PSD4: variants seen among roughly 807,000 people sequenced by gnomAD.
PSD4 encodes pleckstrin and Sec7 domain containing 4.
PSD4 carries 59 observed loss-of-function variants against 112.5 expected under a neutral mutation model. The ratio of observed to expected loss-of-function variants is 0.52; its 90% CI spans 0.43 to 0.65. PSD4 has a LOEUF of 0.65. Ranked by LOEUF, PSD4 falls within the 30% of genes least tolerant of loss-of-function variation. PSD4 has a pLI of 0.00. For missense variants in PSD4, 1,267 were observed against 1,352.6 expected, an observed-to-expected ratio of 0.94 and a Z score of 0.99; for synonymous variants, 533 against 540.0, an observed-to-expected ratio of 0.99 and a Z score of 0.18.
intron 2 of PSD4, among the ~76,000 whole-genome samples, chr2:113,184,476 C>T (rs749456261): frequency 1.7e-4 from 26 of 150,786 alleles, no homozygotes; most frequent in South Asian, 4.2e-4. Flanking sequence ...CAGGTTCAAG[C>T]GATTCACCTG....
rs764514163 is a variant in PSD4 at position 113,182,705 on chromosome 2, G to T, written c.249G>T (p.Gly83=). The change falls in exon 2 of 17, where the codon GGG becomes GGT. Residue 83 remains glycine, a synonymous_variant. Coordinates refer to ENST00000245796, the MANE Select transcript of PSD4 (RefSeq NM_012455.3). ...THLGSWVHQD[G]LEPCQEQTRA... ...TGGGGAGCTGGGTCCATCAGGACGG[G>T]CTGGAGCCTTGCCAGGAGCAAACCC... is the stretch of plus-strand genomic sequence containing the variant. 1 of 1,606,820 alleles carries T rather than the reference G, an allele frequency of 6.2e-7. No homozygotes were observed. Among genetic ancestry groups the T allele is most frequent in the Non-Finnish European group, 8.5e-7 (1 of 1,175,404 alleles).
chr2:113,201,461 C>G lies in PSD4; in HGVS notation c.*46C>G. The G allele has an allele frequency of 6.2e-7, 1 of 1,600,850 alleles. No homozygotes were observed. The highest frequency in any genetic ancestry group is 8.5e-7 in the Non-Finnish European group (1 of 1,173,690). The stretch of plus-strand genomic sequence containing the variant: ...CACTGTTCCCTGCTCCAGGGTAGAC[C>G]TGAGATGAACCTCCCTGGAGGAGAC... On this transcript the variant is annotated 3_prime_UTR_variant, in exon 17 of 17. Coordinates refer to ENST00000245796, the MANE Select transcript of PSD4 (RefSeq NM_012455.3).
At chr2:113,179,264 C>A (rs1191815140) in intron 1 of PSD4, among the ~76,000 whole-genome samples, 1 of 152,176 alleles carries the variant, frequency 6.6e-6, no homozygotes, top group African/African-American at 2.4e-5. Flanking sequence ...TGACAATGGG[C>A]AGCTGCATGG....
At chr2:113,177,857 C>T (rs908229930) in intron 1 of PSD4, among the ~76,000 whole-genome samples, 2 of 152,110 alleles carry the variant, frequency 1.3e-5, no homozygotes, top group African/African-American at 4.8e-5. Context: ...AACTACACAC[C>T]GGGATAAACG....
At chr2:113,183,630 C>A (rs904581162) in intron 2 of PSD4, 118 bp downstream of exon 2, 19 of 990,094 alleles carry the variant, frequency 1.9e-5, no homozygotes, top group Non-Finnish European at 2.5e-5. Flanking sequence ...TTGGGGATAA[C>A]CTGCATCAGT....
Position 113,180,948 on chromosome 2 carries a change from C to G in PSD4, c.-111-1398C>G, listed in dbSNP as rs141090124. Reference sequence around the variant, plus strand: ...AAGAAAAGACAGCTGCTGGGTGCAGCGGCTCACACCTATAATCCCACCACT... The same window carrying G: ...AAGAAAAGACAGCTGCTGGGTGCAGGGGCTCACACCTATAATCCCACCACT... On this transcript the variant is annotated intron_variant, in intron 1 of 16. Coordinates refer to ENST00000245796, the MANE Select transcript of PSD4 (RefSeq NM_012455.3). 1.9e-3 allele frequency among the ~76,000 whole-genome samples: 288 copies of G among 151,824 alleles called. 3 individuals carry two copies. The highest frequency in any genetic ancestry group is 7.5e-3 in the Admixed American group (114 of 15,242).
intron 1 of PSD4, among the ~76,000 whole-genome samples, chr2:113,178,352 C>T (rs1688032672): frequency 4.6e-5 from 7 of 152,010 alleles, no homozygotes; most frequent in Admixed American, 4.6e-4. Context: ...CTCCCAGGCT[C>T]CTCAGGTGCT....
intron 15 of PSD4, 59 bp from the exon 16 acceptor site, chr2:113,199,024 C>A (rs1573378760): frequency 2.0e-6 from 3 of 1,510,670 alleles, no homozygotes; most frequent in Middle Eastern, 3.5e-4. Context: ...CGCGCCCGGG[C>A]CCGGAAAGCG....
rs1688205348 is a variant in PSD4 at position 113,183,371 on chromosome 2, T to C, written c.915T>C (p.Asp305=). The C allele has an allele frequency of 3.2e-6, 5 of 1,582,790 alleles. No homozygotes were observed. The highest frequency in any genetic ancestry group is 4.3e-6 in the Non-Finnish European group (5 of 1,163,658). Residue 305 remains aspartate, a synonymous_variant, in exon 2 of 17, where the codon GAT becomes GAC. Coordinates refer to ENST00000245796, the MANE Select transcript of PSD4 (RefSeq NM_012455.3). The part of the protein sequence containing the change: ...TVLWELESEP[D]LGDGAAISGH... ...TGTGGGAGCTGGAAAGTGAGCCAGA[T>C]TTGGGGGACGGCGCTGCTATCAGTG...
chr2:113,186,924 C>G (rs1355158658), intron 5 of PSD4, among the ~76,000 whole-genome samples: 1 of 152,224 alleles, frequency 6.6e-6, no homozygotes, highest in Non-Finnish European at 1.5e-5. Flanking sequence ...ATTTTGTTTT[C>G]TAATTGGCTG....
At chr2:113,198,131 T>C (rs979880712) in intron 14 of PSD4, 4 of 558,908 alleles carry the variant, frequency 7.2e-6, no homozygotes, top group Middle Eastern at 4.7e-4. Flanking sequence ...TGGCCAACTT[T>C]GCCAGCACAG....
chr2:113,195,032 G>T (rs1688558564), intron 10 of PSD4, among the ~76,000 whole-genome samples: 1 of 152,180 alleles, frequency 6.6e-6, no homozygotes, highest in Non-Finnish European at 1.5e-5. Context: ...GTGGGGATTG[G>T]TCAGCCAGTT....
chr2:113,185,211 G>A, intron 3 of PSD4, 138 bp downstream of exon 3: 1 of 1,552,372 alleles, frequency 6.4e-7, no homozygotes, highest in Non-Finnish European at 8.8e-7. Context: ...CTGAACTGAG[G>A]CTCCAGCCTG....
chr2:113,182,510 C>T lies in PSD4; in HGVS notation c.54C>T (p.Asn18=), dbSNP rs2104494418. 1 of 1,614,150 alleles carries T rather than the reference C, an allele frequency of 6.2e-7. No individual in the cohort carries two copies. Residue 18 remains asparagine, a synonymous_variant, in exon 2 of 17, where the codon AAC becomes AAT. Coordinates refer to ENST00000245796, the MANE Select transcript of PSD4 (RefSeq NM_012455.3). ...ACCCCCAGCCCATGGAAATTCTCAA[C>T]CTGTACTTGGGAGACAGCCTGGAGC... ...PDHPQPMEIL[N]LYLGDSLEPH...
chr2:113,179,544 G>C (rs895383691), intron 1 of PSD4, among the ~76,000 whole-genome samples: 1 of 152,198 alleles, frequency 6.6e-6, no homozygotes, highest in Non-Finnish European at 1.5e-5. Context: ...ATAAAAGAAT[G>C]GTTACTCCAT....
At chr2:113,178,923 G>A (rs568234206) in intron 1 of PSD4, among the ~76,000 whole-genome samples, 45 of 152,268 alleles carry the variant, frequency 3.0e-4, no homozygotes, top group Non-Finnish European at 4.3e-4. Flanking sequence ...TGGGAAGGGA[G>A]GCAGTTGAGT....
chr2:113,192,290 C>T, intron 5 of PSD4, 90 bp from the exon 6 acceptor site: 2 of 1,316,278 alleles, frequency 1.5e-6, no homozygotes, highest in Non-Finnish European at 2.2e-6. Flanking sequence ...CCTCCGGGCC[C>T]CACCATTCAA....
chr2:113,199,622 A>G, intron 16 of PSD4, among the ~76,000 whole-genome samples: 1 of 152,318 alleles, frequency 6.6e-6, no homozygotes, highest in South Asian at 2.1e-4. Flanking sequence ...CCAAATATTA[A>G]TAGGTAGTAT....
At chr2:113,195,901 G>A (rs1047176242) in intron 11 of PSD4, 131 bp downstream of exon 11, 14 of 1,325,436 alleles carry the variant, frequency 1.1e-5, no homozygotes, top group Non-Finnish European at 1.5e-5. Context: ...CAAAGCCAGA[G>A]GCAGGGCTCT....
Sources: allele counts gnomAD v4.1 joint callset (sites outside exome capture counted in the v4.1 genomes callset), GRCh38; gene constraint gnomAD v4.1.1; transcripts MANE v1.5; gene names NCBI Gene and HGNC (gene_info 2026-07-23, HGNC 2026-07-21).